Variants in PKIB observed in about 807,000 individuals in gnomAD.
The protein encoded by PKIB is cAMP-dependent protein kinase inhibitor beta.
Under a neutral mutation model 4.5 loss-of-function variants are expected in PKIB, and 2 were observed. That is an observed-to-expected ratio of 0.44 (90% CI 0.18 to 1.39). PKIB has a LOEUF of 1.39. Among genes scored for constraint, PKIB ranks in the 40% most tolerant of loss-of-function variants. The pLI, the probability that PKIB is intolerant of heterozygous loss-of-function variation, is 0.27. For synonymous variants in PKIB, 38 were observed against 36.0 expected, an observed-to-expected ratio of 1.06 and a Z score of -0.20; for missense variants, 94 against 92.6, an observed-to-expected ratio of 1.02 and a Z score of -0.06.
chr6:122,582,309 C>T (rs1297040973), intron 2 of PKIB, among the ~76,000 whole-genome samples: 1 of 151,624 alleles, frequency 6.6e-6, no homozygotes, highest in Non-Finnish European at 1.5e-5. Flanking sequence ...CTATTTGCCA[C>T]AAAAAAAGCA....
chr6:122,668,303 C>G (rs1777312911), intron 2 of PKIB, among the ~76,000 whole-genome samples: 1 of 152,104 alleles, frequency 6.6e-6, no homozygotes, highest in African/African-American at 2.4e-5. Context: ...AACTGTCTTC[C>G]AAACAATTGG....
intron 2 of PKIB, among the ~76,000 whole-genome samples, chr6:122,647,696 C>T (rs1351806324): frequency 6.6e-6 from 1 of 152,114 alleles, no homozygotes; most frequent in Non-Finnish European, 1.5e-5. Context: ...GGAAAGAAAG[C>T]AAAAATCTTA....
At chr6:122,497,684 A>G (rs532647565) in intron 2 of PKIB, among the ~76,000 whole-genome samples, 1 of 152,368 alleles carries the variant, frequency 6.6e-6, no homozygotes, top group African/African-American at 2.4e-5. Flanking sequence ...AAATATATAC[A>G]TAATCAACAA....
At chr6:122,591,517 T>C (rs1250750542) in intron 3 of PKIB, among the ~76,000 whole-genome samples, 1 of 152,138 alleles carries the variant, frequency 6.6e-6, no homozygotes, top group Non-Finnish European at 1.5e-5. Context: ...TTTTCTCTTA[T>C]CGTTTTCATT....
chr6:122,649,897 C>T (rs1776481639), intron 2 of PKIB, among the ~76,000 whole-genome samples: 2 of 152,162 alleles, frequency 1.3e-5, no homozygotes, highest in South Asian at 4.1e-4. Flanking sequence ...CTATCTGCTA[C>T]TGGCACTTCA....
At chr6:122,642,348 A>C (rs1443796751) in intron 2 of PKIB, among the ~76,000 whole-genome samples, 1 of 152,256 alleles carries the variant, frequency 6.6e-6, no homozygotes, top group Non-Finnish European at 1.5e-5. Context: ...GGGGCAAGAG[A>C]TAGAAAGCTT....
intron 3 of PKIB, among the ~76,000 whole-genome samples, chr6:122,593,163 T>C (rs1258094902): frequency 6.6e-6 from 1 of 152,180 alleles, no homozygotes. Context: ...AGGCCAACTG[T>C]GTCTACAGAT....
At chr6:122,571,069 C>A (rs796740749) in intron 2 of PKIB, among the ~76,000 whole-genome samples, 6 of 151,992 alleles carry the variant, frequency 3.9e-5, no homozygotes, top group African/African-American at 1.4e-4. Context: ...ATCAGAACTT[C>A]TGGAAATAAA....
intron 2 of PKIB, among the ~76,000 whole-genome samples, chr6:122,501,760 A>T (rs1562230872): frequency 6.6e-6 from 1 of 152,172 alleles, no homozygotes; most frequent in African/African-American, 2.4e-5. Flanking sequence ...TGTCTTGGCT[A>T]TTAACATTCA....
intron 2 of PKIB, among the ~76,000 whole-genome samples, chr6:122,488,506 C>T (rs995191215): frequency 6.6e-6 from 1 of 152,020 alleles, no homozygotes; most frequent in African/African-American, 2.4e-5. Context: ...TCATGGTTCA[C>T]TGCAGCCACT....
chr6:122,704,297 A>T (rs1778966988), intron 3 of PKIB, among the ~76,000 whole-genome samples: 1 of 152,092 alleles, frequency 6.6e-6, no homozygotes, highest in Non-Finnish European at 1.5e-5. Context: ...TCTTTTCTGG[A>T]AACACCCTCA....
chr6:122,502,647 T>A (rs1239554001), intron 2 of PKIB, among the ~76,000 whole-genome samples: 3 of 152,122 alleles, frequency 2.0e-5, no homozygotes, highest in Admixed American at 6.5e-5. Flanking sequence ...AGGCCCTTCC[T>A]CAACCTGTGG....
intron 2 of PKIB, among the ~76,000 whole-genome samples, chr6:122,504,354 A>G (rs1378584985): frequency 6.6e-6 from 1 of 152,198 alleles, no homozygotes; most frequent in African/African-American, 2.4e-5. Flanking sequence ...ATTTCACCAC[A>G]TCTTAGGGAC....
chr6:122,645,326 C>T (rs527663894), intron 2 of PKIB, among the ~76,000 whole-genome samples: 7 of 152,212 alleles, frequency 4.6e-5, no homozygotes, highest in East Asian at 1.9e-4. Flanking sequence ...TTTTTAATGA[C>T]GGCATGGTCT....
intron 2 of PKIB, among the ~76,000 whole-genome samples, chr6:122,670,900 T>C (rs1777436970): frequency 6.6e-6 from 1 of 152,250 alleles, no homozygotes; most frequent in Non-Finnish European, 1.5e-5. Flanking sequence ...TTGCTTCACA[T>C]AGTCAGATGA....
intron 2 of PKIB, among the ~76,000 whole-genome samples, chr6:122,543,357 T>C (rs1357417596): frequency 7.0e-6 from 1 of 142,104 alleles, no homozygotes; most frequent in Non-Finnish European, 1.6e-5. Context: ...ACCCCCTCCT[T>C]TTTTTTTTTT....
chr6:122,482,071 C>G (rs1055397795), intron 2 of PKIB: 59 of 152,190 alleles, frequency 3.9e-4, no homozygotes, highest in African/African-American at 1.2e-3. Flanking sequence ...CGCCATTCTC[C>G]TGCCTCAGCC....
At chr6:122,653,636 A>T (rs1020385938) in intron 2 of PKIB, among the ~76,000 whole-genome samples, 1 of 139,810 alleles carries the variant, frequency 7.2e-6, no homozygotes, top group African/African-American at 2.7e-5. Flanking sequence ...ACTTGAAGGG[A>T]TTATTTGAAA....
chr6:122,587,819 T>C (rs1773897171), intron 3 of PKIB, among the ~76,000 whole-genome samples: 1 of 152,382 alleles, frequency 6.6e-6, no homozygotes, highest in Middle Eastern at 3.4e-3. Context: ...GCTGCATAAA[T>C]GTCTTCTTTT....
Sources: gnomAD v4.1 joint callset for allele counts (sites outside exome capture counted in the v4.1 genomes callset) on GRCh38, gnomAD v4.1.1 for gene constraint, MANE v1.5 for transcripts, NCBI Gene and HGNC (gene_info 2026-07-23, HGNC 2026-07-21) for gene names.